SYT9: variants seen among roughly 807,000 people sequenced by gnomAD.
The protein encoded by SYT9 is synaptotagmin-9.
SYT9 carries 22 observed loss-of-function variants against 48.4 expected under a neutral mutation model. That is an observed-to-expected ratio of 0.45 (90% CI 0.32 to 0.65). SYT9 has a LOEUF of 0.65. SYT9 is among the 30% of genes least tolerant of loss of function. The pLI is 0.03. For synonymous variants in SYT9, 265 were observed against 245.0 expected (o/e 1.08, Z -0.76); for missense variants, 577 against 622.0 (o/e 0.93, Z 0.77).
chr11:7,372,994 GTTTGCATAA>G (rs1401357099), intron 3 of SYT9, among the ~76,000 whole-genome samples: 2 of 151,952 alleles, frequency 1.3e-5, no homozygotes, highest in Admixed American at 1.3e-4. Context: ...CTATTGAGAT[GTTTGCATAA>G]TTTTTCTCCT....
At chr11:7,268,712 T>G (rs909814022) in intron 1 of SYT9, among the ~76,000 whole-genome samples, 2 of 152,072 alleles carry the variant, frequency 1.3e-5, no homozygotes, top group African/African-American at 2.4e-5. Flanking sequence ...CCAGTCATTC[T>G]CTGGTTTTAA....
At chr11:7,381,198 G>T (rs1052387850) in intron 3 of SYT9, among the ~76,000 whole-genome samples, 1 of 152,044 alleles carries the variant, frequency 6.6e-6, no homozygotes, top group Admixed American at 6.6e-5. Flanking sequence ...GTTGTGTCAA[G>T]GTCCACATTT....
chr11:7,266,143 C>A (rs551218686), intron 1 of SYT9, among the ~76,000 whole-genome samples: 1 of 152,062 alleles, frequency 6.6e-6, no homozygotes, highest in Admixed American at 6.6e-5. Flanking sequence ...GCTGAGCTAG[C>A]TCTGAAGGCT....
chr11:7,337,351 T>C (rs1332466283), intron 3 of SYT9, among the ~76,000 whole-genome samples: 1 of 152,084 alleles, frequency 6.6e-6, no homozygotes, highest in Non-Finnish European at 1.5e-5. Flanking sequence ...TTTCTCTGCC[T>C]GATTGCTCTT....
At chr11:7,303,607 G>A (rs1472344313) in intron 2 of SYT9, among the ~76,000 whole-genome samples, 1 of 152,196 alleles carries the variant, frequency 6.6e-6, no homozygotes, top group African/African-American at 2.4e-5. Context: ...CAGCATGTGT[G>A]AAGTACTCTA....
At chr11:7,335,965 T>G (rs1463044753) in intron 3 of SYT9, among the ~76,000 whole-genome samples, 1 of 152,210 alleles carries the variant, frequency 6.6e-6, no homozygotes, top group African/African-American at 2.4e-5. Context: ...ACCAACAGCA[T>G]ATAAGCATTC....
chr11:7,317,203 A>G (rs987561629), intron 3 of SYT9, among the ~76,000 whole-genome samples: 2 of 152,188 alleles, frequency 1.3e-5, no homozygotes, highest in Non-Finnish European at 2.9e-5. Flanking sequence ...TATTTCTCCT[A>G]TGCTTTCTAT....
chr11:7,386,986 A>T (rs2134054414), intron 3 of SYT9, among the ~76,000 whole-genome samples: 1 of 152,340 alleles, frequency 6.6e-6, no homozygotes, highest in African/African-American at 2.4e-5. Flanking sequence ...TGATGAGTTC[A>T]TGTCCTTTGT....
intron 1 of SYT9, among the ~76,000 whole-genome samples, chr11:7,272,809 G>A (rs527526591): frequency 6.6e-6 from 1 of 152,280 alleles, no homozygotes; most frequent in South Asian, 2.1e-4. Context: ...AGTGTCATGG[G>A]AATGAGTGTT....
chr11:7,284,424 T>C (rs765764747), intron 1 of SYT9, among the ~76,000 whole-genome samples: 1 of 152,188 alleles, frequency 6.6e-6, no homozygotes, highest in African/African-American at 2.4e-5. Flanking sequence ...TATGTAAATG[T>C]TGAGCCCTTT....
At chr11:7,413,681 A>G (rs1847184223) in intron 3 of SYT9, among the ~76,000 whole-genome samples, 1 of 151,678 alleles carries the variant, frequency 6.6e-6, no homozygotes, top group African/African-American at 2.4e-5. Flanking sequence ...TAGATGATCT[A>G]TTCCAAGTGT....
intron 3 of SYT9, among the ~76,000 whole-genome samples, chr11:7,355,026 A>G (rs1163993262): frequency 6.6e-6 from 1 of 152,180 alleles, no homozygotes; most frequent in Non-Finnish European, 1.5e-5. Flanking sequence ...CCTGTAATAG[A>G]GAAGGGATTT....
chr11:7,452,710 AG>A (rs1848077103), intron 6 of SYT9, among the ~76,000 whole-genome samples: 2 of 151,880 alleles, frequency 1.3e-5, no homozygotes, highest in Admixed American at 1.3e-4. Context: ...TTGCCCAGAG[AG>A]CTTTGAACGG....
intron 6 of SYT9, among the ~76,000 whole-genome samples, chr11:7,442,759 A>T (rs1005241910): frequency 2.0e-5 from 3 of 152,178 alleles, no homozygotes; most frequent in African/African-American, 7.2e-5. Flanking sequence ...GGCCTCTGCC[A>T]TCAGCTCTGC....
chr11:7,466,817 T>C lies in SYT9; in HGVS notation c.*17T>C, dbSNP rs372600381. On this transcript the variant is annotated 3_prime_UTR_variant, in exon 7 of 7. Transcript: ENST00000318881. ...AAACGATGACCATGGGTAAGAGGACTGCTTGTGCCAAGGACAAAATAGGAC... is the reference window on the plus strand; with the variant it reads ...AAACGATGACCATGGGTAAGAGGACCGCTTGTGCCAAGGACAAAATAGGAC... 5 of 1,612,632 alleles carry C rather than the reference T, an allele frequency of 3.1e-6. No individual in the cohort carries two copies. The Admixed American group carries it at 8.4e-5, about 27-fold the overall frequency.
chr11:7,367,169 C>T (rs1344866852), intron 3 of SYT9, among the ~76,000 whole-genome samples: 1 of 147,538 alleles, frequency 6.8e-6, no homozygotes, highest in Admixed American at 6.8e-5. Context: ...GCAAGCTCCG[C>T]CTCCCGGGTT....
At position 7,460,142 on chromosome 11, in the gene SYT9, T is replaced by C. The variant is rs535271478; in HGVS notation, c.1468-6650T>C. ...ATTAATAATATATCTAATATTCTTA[T>C]AATAGTACATACCAAATTCTACATA... is the stretch of plus-strand genomic sequence containing the variant. On this transcript the variant is annotated intron_variant, in intron 6 of 6. Coordinates refer to ENST00000318881, the MANE Select transcript of SYT9 (RefSeq NM_175733.4). 3.9e-5 allele frequency among the ~76,000 whole-genome samples: 6 copies of C among 152,350 alleles called. No homozygotes were observed. The East Asian group carries it at 1.2e-3, about 29-fold the overall frequency.
intron 3 of SYT9, among the ~76,000 whole-genome samples, chr11:7,322,892 G>C (rs886339094): frequency 6.6e-6 from 1 of 151,968 alleles, no homozygotes; most frequent in African/African-American, 2.4e-5. Context: ...TTAAGAATAG[G>C]CTATTCAGTT....
intron 1 of SYT9, among the ~76,000 whole-genome samples, chr11:7,253,366 T>A (rs1374453865): frequency 6.6e-6 from 1 of 152,238 alleles, no homozygotes; most frequent in Non-Finnish European, 1.5e-5. Flanking sequence ...AATGAGCTAT[T>A]GCCTTGCAAA....
Sources: gnomAD v4.1 joint callset for allele counts (sites outside exome capture counted in the v4.1 genomes callset) on GRCh38, gnomAD v4.1.1 for gene constraint, MANE v1.5 for transcripts, NCBI Gene and HGNC (gene_info 2026-07-23, HGNC 2026-07-21) for gene names.